ZC3H12B: variants seen among roughly 807,000 people sequenced by gnomAD.
ZC3H12B encodes the protein probable ribonuclease ZC3H12B.
In ZC3H12B, 7 loss-of-function variants were observed where a neutral mutation model predicts 43.9. The observed-to-expected ratio is 0.16, with a 90% CI of 0.09 to 0.30. The LOEUF (loss-of-function observed/expected upper bound fraction) is 0.30. Ranked by LOEUF, ZC3H12B falls within the 10% of genes least tolerant of loss-of-function variation. The pLI is 1.00. For synonymous variants in ZC3H12B, 222 were observed against 241.7 expected, an observed-to-expected ratio of 0.92 and a Z score of 0.76; for missense variants, 475 against 670.2, an observed-to-expected ratio of 0.71 and a Z score of 3.22.
At chrX:65,311,565 C>A in the ZC3H12B span, among the ~76,000 whole-genome samples, 2 of 111,907 alleles carry the variant, frequency 1.8e-5, no homozygotes, top group Non-Finnish European at 3.8e-5. Flanking sequence ...ACTAGTTCAA[C>A]CATTGTGGAA....
At chrX:65,131,945 A>T in the ZC3H12B span, among the ~76,000 whole-genome samples, 2 of 111,421 alleles carry the variant, frequency 1.8e-5, no homozygotes, top group South Asian at 7.6e-4. Context: ...TAAGGTGAGA[A>T]GCGAAGGGGT....
chrX:65,086,491 C>T, the ZC3H12B span, among the ~76,000 whole-genome samples: 1 of 111,417 alleles, frequency 9.0e-6, no homozygotes, highest in East Asian at 2.8e-4. Flanking sequence ...TTGTGCCCCG[C>T]CACCGAAATC....
At chrX:65,216,328 A>G in the ZC3H12B span, among the ~76,000 whole-genome samples, 8 of 111,218 alleles carry the variant, frequency 7.2e-5, no homozygotes, top group African/African-American at 2.6e-4. Flanking sequence ...GAGAGAGCGT[A>G]GTGAGTGTGG....
chrX:65,472,262 T>C (rs2067925487), intron 3 of ZC3H12B, among the ~76,000 whole-genome samples: 1 of 112,001 alleles, frequency 8.9e-6, no homozygotes, highest in African/African-American at 3.2e-5. Flanking sequence ...GAGTTGCAAG[T>C]GTTCTCAATA....
At chrX:65,174,491 C>A in the ZC3H12B span, among the ~76,000 whole-genome samples, 1 of 111,795 alleles carries the variant, frequency 8.9e-6, no homozygotes, top group Non-Finnish European at 1.9e-5. Context: ...CACCCCTTCC[C>A]CAGGTGCTCT....
At chrX:65,502,276 C>T (rs2068377081) in exon 5 of ZC3H12B, 1 of 1,211,400 alleles carries the variant, frequency 8.3e-7, no homozygotes, top group African/African-American at 1.7e-5. Context: ...GCCATGGGAC[C>T]CCTATTAGCT....
At chrX:65,326,198 C>G in the ZC3H12B span, among the ~76,000 whole-genome samples, 2 of 111,199 alleles carry the variant, frequency 1.8e-5, no homozygotes, top group East Asian at 5.6e-4. Flanking sequence ...TTCTGTGCAA[C>G]AAAGGAAACA....
At chrX:65,154,644 T>A in the ZC3H12B span, among the ~76,000 whole-genome samples, 2 of 111,213 alleles carry the variant, frequency 1.8e-5, no homozygotes, top group African/African-American at 6.5e-5. Context: ...AGCCCAGGAG[T>A]AAGAGACCAG....
At chrX:65,181,865 C>T in the ZC3H12B span, among the ~76,000 whole-genome samples, 1 of 111,614 alleles carries the variant, frequency 9.0e-6, no homozygotes, top group East Asian at 2.8e-4. Context: ...GGATCTAGAA[C>T]CAGAAATACC....
the ZC3H12B span, among the ~76,000 whole-genome samples, chrX:65,244,454 A>T: frequency 3.6e-5 from 4 of 109,873 alleles, no homozygotes; most frequent in Non-Finnish European, 5.7e-5. Flanking sequence ...TTAATTCATT[A>T]AAAAAAAGTG....
At chrX:65,348,924 G>A in the ZC3H12B span, among the ~76,000 whole-genome samples, 3 of 111,158 alleles carry the variant, frequency 2.7e-5, no homozygotes, top group Non-Finnish European at 5.7e-5. Flanking sequence ...AATAGTGGGA[G>A]ACTTTAACAC....
the ZC3H12B span, among the ~76,000 whole-genome samples, chrX:65,297,432 C>T: frequency 3.3e-4 from 36 of 110,452 alleles, no homozygotes; most frequent in Non-Finnish European, 5.3e-4. Context: ...TAGGAATATA[C>T]CTAACCAAGG....
At chrX:65,271,641 G>T in the ZC3H12B span, 1 of 112,187 alleles carries the variant, frequency 8.9e-6, no homozygotes, top group Non-Finnish European at 1.9e-5. Flanking sequence ...TGGAAGAAGA[G>T]TATCTTGGTT....
the ZC3H12B span, among the ~76,000 whole-genome samples, chrX:65,310,547 G>C: frequency 2.7e-5 from 3 of 111,886 alleles, no homozygotes; most frequent in Non-Finnish European, 5.6e-5. Context: ...AGAAGAATCA[G>C]TATCGTGAAA....
At chrX:65,209,927 T>G in the ZC3H12B span, among the ~76,000 whole-genome samples, 1 of 93,259 alleles carries the variant, frequency 1.1e-5, no homozygotes. Flanking sequence ...TCAAGATGGA[T>G]TAAAGATTTA....
the ZC3H12B span, among the ~76,000 whole-genome samples, chrX:65,080,594 G>GA: frequency 3.2e-4 from 35 of 110,476 alleles, no homozygotes; most frequent in African/African-American, 7.9e-4. Context: ...AAGTGCAGAA[G>GA]AAAAAAAACT....
chrX:65,335,981 T>C, the ZC3H12B span, among the ~76,000 whole-genome samples: 1 of 111,667 alleles, frequency 9.0e-6, no homozygotes, highest in Non-Finnish European at 1.9e-5. Context: ...GTAGCATAGT[T>C]TGTAACTGAC....
At chrX:65,079,619 A>G in the ZC3H12B span, among the ~76,000 whole-genome samples, 3 of 112,693 alleles carry the variant, frequency 2.7e-5, no homozygotes, top group Admixed American at 9.3e-5. Context: ...GTCCAAGACC[A>G]TCAAGGCAGT....
intron 3 of ZC3H12B, among the ~76,000 whole-genome samples, chrX:65,476,697 A>G (rs949141994): frequency 9.0e-6 from 1 of 111,332 alleles, no homozygotes; most frequent in African/African-American, 3.3e-5. Context: ...GAGTATATAG[A>G]GAGGTCCTAG....
Sources: gnomAD v4.1 joint callset for allele counts (sites outside exome capture counted in the v4.1 genomes callset) on GRCh38, gnomAD v4.1.1 for gene constraint, MANE v1.5 for transcripts, NCBI Gene and HGNC (gene_info 2026-07-23, HGNC 2026-07-21) for gene names.